The following SPOCK1 variants were observed in gnomAD, a reference collection of about 807,000 sequenced individuals.
SPOCK1 encodes the protein testican-1.
SPOCK1 carries 23 observed loss-of-function variants against 55.3 expected under a neutral mutation model. The observed-to-expected ratio is 0.42, with a 90% CI of 0.30 to 0.59. The LOEUF (loss-of-function observed/expected upper bound fraction) is 0.59. Ranked by LOEUF, SPOCK1 falls within the 20% of genes least tolerant of loss-of-function variation. SPOCK1 has a pLI of 0.22. For missense variants in SPOCK1, 499 were observed against 552.5 expected (o/e 0.90, Z 0.97); for synonymous variants, 226 against 221.0 (o/e 1.02, Z -0.20).
At chr5:137,027,064 C>T (rs2126983497) in intron 6 of SPOCK1, among the ~76,000 whole-genome samples, 2 of 152,220 alleles carry the variant, frequency 1.3e-5, no homozygotes, top group African/African-American at 4.8e-5. Context: ...TTCTGAAAAA[C>T]TCCACTGCTG....
chr5:136,992,722 C>A, intron 6 of SPOCK1, 122 bp from the exon 7 acceptor site: 1 of 659,636 alleles, frequency 1.5e-6, no homozygotes, highest in East Asian at 2.8e-5. Context: ...TAACTGTTAC[C>A]TCACGTGGAA....
intron 3 of SPOCK1, among the ~76,000 whole-genome samples, chr5:137,214,370 G>T (rs930607954): frequency 2.6e-5 from 4 of 152,058 alleles, no homozygotes; most frequent in African/African-American, 9.7e-5. Flanking sequence ...CAATGCCAAG[G>T]CACAATAAAA....
chr5:137,349,361 C>T (rs1750627930), intron 2 of SPOCK1, among the ~76,000 whole-genome samples: 2 of 152,176 alleles, frequency 1.3e-5, no homozygotes, highest in Admixed American at 1.3e-4. Context: ...TATTGAGTTC[C>T]TAACTTCAAG....
chr5:137,153,485 A>G (rs1450629273), intron 3 of SPOCK1, among the ~76,000 whole-genome samples: 2 of 152,216 alleles, frequency 1.3e-5, no homozygotes, highest in Non-Finnish European at 2.9e-5. Context: ...GAATTTAGAG[A>G]TGCTTAAGAC....
intron 2 of SPOCK1, among the ~76,000 whole-genome samples, chr5:137,308,502 C>T (rs141435374): frequency 1.3e-5 from 2 of 152,218 alleles, no homozygotes; most frequent in Non-Finnish European, 2.9e-5. Context: ...AGTGAGAGAG[C>T]AGTGCCATGC....
At chr5:137,422,960 T>C (rs1752533725) in intron 2 of SPOCK1, among the ~76,000 whole-genome samples, 2 of 152,170 alleles carry the variant, frequency 1.3e-5, no homozygotes, top group African/African-American at 2.4e-5. Context: ...CAGATGGGGT[T>C]TTGGTGTGGA....
chr5:137,059,399 A>G (rs1239255854), intron 6 of SPOCK1, among the ~76,000 whole-genome samples: 3 of 152,372 alleles, frequency 2.0e-5, no homozygotes, highest in South Asian at 2.1e-4. Flanking sequence ...TATTATATGC[A>G]TATAGAAATA....
At chr5:137,101,476 A>G (rs1753263441) in intron 5 of SPOCK1, among the ~76,000 whole-genome samples, 1 of 152,252 alleles carries the variant, frequency 6.6e-6, no homozygotes, top group South Asian at 2.1e-4. Flanking sequence ...AACTAATTAC[A>G]TGGCATTCTA....
chr5:137,350,386 CTTA>C (rs1750652115), intron 2 of SPOCK1, among the ~76,000 whole-genome samples: 1 of 152,248 alleles, frequency 6.6e-6, no homozygotes, highest in Admixed American at 6.5e-5. Context: ...ACAACTGCCA[CTTA>C]TTATCTCTCA....
At chr5:137,272,643 T>C (rs1178607108) in intron 2 of SPOCK1, among the ~76,000 whole-genome samples, 3 of 151,934 alleles carry the variant, frequency 2.0e-5, no homozygotes, top group African/African-American at 7.3e-5. Flanking sequence ...CAGCCTTCCA[T>C]CCAAAGCTAC....
intron 2 of SPOCK1, among the ~76,000 whole-genome samples, chr5:137,311,433 A>T (rs1391500002): frequency 6.6e-6 from 1 of 152,238 alleles, no homozygotes; most frequent in Non-Finnish European, 1.5e-5. Context: ...ACTGTCTTGG[A>T]TACCTTACAA....
chr5:137,436,081 C>T lies in SPOCK1; in HGVS notation c.186+62292G>A, dbSNP rs573578899. Among the ~76,000 whole-genome samples the T allele has an allele frequency of 1.3e-3, 202 of 152,182 alleles. 1 individual carries two copies. The highest frequency in any genetic ancestry group is 1.9e-3 in the Non-Finnish European group (130 of 68,010). ...CTGAGGCAGGGAAAATTGCTTGAAC[C>T]CAGGAGGTGGAGGTTGCGGTGAGCC... On this transcript the variant is annotated intron_variant, in intron 2 of 10. Coordinates refer to ENST00000394945, the MANE Select transcript of SPOCK1 (RefSeq NM_004598.4).
intron 3 of SPOCK1, among the ~76,000 whole-genome samples, chr5:137,190,825 T>C (rs539609411): frequency 2.6e-4 from 39 of 152,254 alleles, no homozygotes; most frequent in African/African-American, 9.1e-4. Flanking sequence ...TTCCCATTCC[T>C]CCAAGAGACT....
chr5:137,221,505 G>A (rs900014515), intron 3 of SPOCK1, among the ~76,000 whole-genome samples: 14 of 152,038 alleles, frequency 9.2e-5, no homozygotes, highest in South Asian at 6.2e-4. Context: ...CCTCATCTCC[G>A]GGTGTCGAAA....
intron 2 of SPOCK1, among the ~76,000 whole-genome samples, chr5:137,327,839 G>A (rs1758105510): frequency 6.6e-6 from 1 of 152,302 alleles, no homozygotes; most frequent in Non-Finnish European, 1.5e-5. Flanking sequence ...CCATTTGTCT[G>A]TTCTAGAGTG....
chr5:137,173,342 C>A (rs767450992), intron 3 of SPOCK1, among the ~76,000 whole-genome samples: 2 of 152,070 alleles, frequency 1.3e-5, no homozygotes, highest in Non-Finnish European at 2.9e-5. Context: ...TTGTCCTAGC[C>A]CCCTGGTAGT....
At chr5:137,477,863 C>T (rs1028458903) in intron 2 of SPOCK1, among the ~76,000 whole-genome samples, 1 of 152,218 alleles carries the variant, frequency 6.6e-6, no homozygotes, top group African/African-American at 2.4e-5. Flanking sequence ...GGACGCTTGG[C>T]TTCATGTAAG....
chr5:137,265,364 A>G (rs191767453), intron 3 of SPOCK1, among the ~76,000 whole-genome samples: 1 of 152,288 alleles, frequency 6.6e-6, no homozygotes, highest in African/African-American at 2.4e-5. Context: ...ACAAGAACCT[A>G]TTTCTAGTTC....
chr5:137,012,097 G>A (rs1751361319), intron 6 of SPOCK1, among the ~76,000 whole-genome samples: 1 of 152,176 alleles, frequency 6.6e-6, no homozygotes, highest in Admixed American at 6.6e-5. Context: ...TTGTAGGACA[G>A]GCACTCTACA....
Sources: allele counts gnomAD v4.1 joint callset (sites outside exome capture counted in the v4.1 genomes callset), GRCh38; gene constraint gnomAD v4.1.1; transcripts MANE v1.5; gene names NCBI Gene and HGNC (gene_info 2026-07-23, HGNC 2026-07-21).